Variants in CFDP1 observed in about 807,000 individuals in gnomAD.
CFDP1 encodes the protein heterochromatin-stabilizing protein CFDP1.
A neutral mutation model predicts 40.1 loss-of-function variants in CFDP1; 31 were observed. That is an observed-to-expected ratio of 0.77 (90% CI 0.58 to 1.04). CFDP1 has a LOEUF of 1.04. Ranked by LOEUF, CFDP1 falls within the 50% of genes least tolerant of loss-of-function variation. CFDP1 has a pLI of 0.00. For synonymous variants in CFDP1, 167 were observed against 120.0 expected (o/e 1.39, Z -2.56); for missense variants, 423 against 343.4 (o/e 1.23, Z -1.83).
At chr16:75,327,770 C>A (rs1476770876) in intron 5 of CFDP1, among the ~76,000 whole-genome samples, 1 of 152,160 alleles carries the variant, frequency 6.6e-6, no homozygotes, top group Non-Finnish European at 1.5e-5. Context: ...GTCGCCCAGG[C>A]TGGAGTGCAA....
chr16:75,349,731 GATCTTGT>G lies in CFDP1; in HGVS notation c.651-44556_651-44550del, dbSNP rs554986363. ...TATATACGGTTGATTTTTACATATT[GATCTTGT>G]ATCTTGTAACCTTGCTGAACTTGTT... On this transcript the variant is annotated intron_variant, in intron 5 of 6. Coordinates refer to ENST00000283882, the MANE Select transcript of CFDP1 (RefSeq NM_006324.3). Among the ~76,000 whole-genome samples, 137 of 109,296 alleles carry G rather than the reference GATCTTGT, an allele frequency of 1.3e-3. 1 individual carries two copies. The highest frequency in any genetic ancestry group is 4.7e-3 in the African/African-American group (132 of 28,354). 71.7% of individuals were successfully genotyped at this position (109,296 alleles called of 152,430 possible).
intron 5 of CFDP1, among the ~76,000 whole-genome samples, chr16:75,355,807 G>A (rs1432907399): frequency 6.6e-6 from 1 of 152,116 alleles, no homozygotes; most frequent in Non-Finnish European, 1.5e-5. Flanking sequence ...GGTGCCTTCC[G>A]CCATGACTGT....
intron 5 of CFDP1, among the ~76,000 whole-genome samples, chr16:75,350,619 A>G (rs1481580863): frequency 6.6e-6 from 1 of 152,218 alleles, no homozygotes; most frequent in East Asian, 1.9e-4. Flanking sequence ...CAGAAACCAC[A>G]AAAACATATA....
intron 5 of CFDP1, among the ~76,000 whole-genome samples, chr16:75,348,511 T>A (rs770167898): frequency 6.6e-6 from 1 of 152,192 alleles, no homozygotes; most frequent in African/African-American, 2.4e-5. Context: ...TTGTGGCTCA[T>A]CTTGAATGGG....
intron 5 of CFDP1, among the ~76,000 whole-genome samples, chr16:75,352,230 A>G (rs2078617876): frequency 6.6e-6 from 1 of 151,974 alleles, no homozygotes; most frequent in South Asian, 2.1e-4. Context: ...AGTCCCAGCT[A>G]CTGGGGAAGG....
At chr16:75,376,755 A>G (rs2151544122) in intron 5 of CFDP1, among the ~76,000 whole-genome samples, 1 of 152,300 alleles carries the variant, frequency 6.6e-6, no homozygotes, top group Non-Finnish European at 1.5e-5. Flanking sequence ...ATGGGGCAGA[A>G]GCGGCTTTCT....
chr16:75,319,031 C>A (rs1482919996), intron 5 of CFDP1, among the ~76,000 whole-genome samples: 1 of 152,168 alleles, frequency 6.6e-6, no homozygotes, highest in Non-Finnish European at 1.5e-5. Context: ...ATTACTCCCT[C>A]TCAATACCAA....
At chr16:75,400,779 T>G (rs2079045111) in intron 4 of CFDP1, among the ~76,000 whole-genome samples, 1 of 152,250 alleles carries the variant, frequency 6.6e-6, no homozygotes, top group Non-Finnish European at 1.5e-5. Flanking sequence ...GAAACTCATA[T>G]TGGACTTTAT....
At chr16:75,416,079 T>C (rs1479207920) in intron 1 of CFDP1, among the ~76,000 whole-genome samples, 1 of 152,102 alleles carries the variant, frequency 6.6e-6, no homozygotes, top group Non-Finnish European at 1.5e-5. Flanking sequence ...TTTTGAATTC[T>C]GACCTCAGGT....
rs774242462 is a variant in CFDP1 at position 75,414,626 on chromosome 16, G to A, written c.134C>T (p.Thr45Ile). 6.2e-7 allele frequency: 1 copy of A among 1,613,376 alleles called. No individual in the cohort carries two copies. The highest frequency in any genetic ancestry group is 2.2e-5 in the East Asian group (1 of 44,834). ...KEDEVDGEEQ[T>I]QKTQGKKRKA... ...TCTTTTTTTCCCTTGGGTTTTCTGT[G>A]TCTGCTCTTCACCATCCACTTCATC... Residue 45 changes from threonine to isoleucine, a missense_variant, in exon 2 of 7, where the codon ACA (threonine) becomes ATA (isoleucine). Transcript: ENST00000283882.
At chr16:75,338,387 C>T (rs1047368538) in intron 5 of CFDP1, among the ~76,000 whole-genome samples, 6 of 152,134 alleles carry the variant, frequency 3.9e-5, no homozygotes, top group African/African-American at 1.4e-4. Context: ...CTAGTGTGTA[C>T]ACAGAAGCAG....
intron 4 of CFDP1, among the ~76,000 whole-genome samples, chr16:75,409,142 A>G (rs2079132812): frequency 6.6e-6 from 1 of 152,140 alleles, no homozygotes; most frequent in South Asian, 2.1e-4. Context: ...TACAGGCATG[A>G]GCCACCGTGC....
chr16:75,432,700 G>A (rs896031721), intron 1 of CFDP1, among the ~76,000 whole-genome samples: 1 of 152,216 alleles, frequency 6.6e-6, no homozygotes, highest in African/African-American at 2.4e-5. Flanking sequence ...TTTGTCTGGG[G>A]AAGACCAAGA....
Position 75,397,196 on chromosome 16 carries a change from G to C in CFDP1, c.531-1987C>G, listed in dbSNP as rs188072044. Among the ~76,000 whole-genome samples, 354 of 151,792 alleles carry C rather than the reference G, an allele frequency of 2.3e-3. 2 individuals are homozygous for C. Among genetic ancestry groups the C allele is most frequent in the South Asian group, 0.012 (58 of 4,806 alleles). ...CCCAAAGTGCTGGGATTACAGGCGT[G>C]AGCCACTGCGCCCAGCGTTTTTTTG... On this transcript the variant is annotated intron_variant, in intron 4 of 6. Coordinates refer to ENST00000283882, the MANE Select transcript of CFDP1 (RefSeq NM_006324.3).
chr16:75,306,870 C>T (rs1425438583), intron 5 of CFDP1, among the ~76,000 whole-genome samples: 4 of 147,402 alleles, frequency 2.7e-5, no homozygotes, highest in African/African-American at 5.2e-5. Flanking sequence ...GTCATATGTG[C>T]GCGTGATCAC....
chr16:75,395,011 C>G (rs1056586614), intron 5 of CFDP1, 79 bp downstream of exon 5: 27 of 1,548,566 alleles, frequency 1.7e-5, no homozygotes, highest in Non-Finnish European at 2.4e-5. Flanking sequence ...GGAGTCTGAT[C>G]TGCAGCGAAA....
At chr16:75,304,179 C>T (rs1237725646) in intron 6 of CFDP1, among the ~76,000 whole-genome samples, 1 of 152,126 alleles carries the variant, frequency 6.6e-6, no homozygotes, top group African/African-American at 2.4e-5. Flanking sequence ...AGTGATCCTC[C>T]TGCCCCAGCC....
In CFDP1 at chr16:75,386,806, T is replaced by A. The variant is rs573151311; in HGVS notation, c.650+8284A>T. Among the ~76,000 whole-genome samples, 8 of 152,326 alleles carry A rather than the reference T, an allele frequency of 5.3e-5. No individual in the cohort carries two copies. In the East Asian group the frequency reaches 1.5e-3, roughly 29 times the overall value. On this transcript the variant is annotated intron_variant, in intron 5 of 6. Coordinates refer to ENST00000283882, the MANE Select transcript of CFDP1 (RefSeq NM_006324.3). ...CAAGGACTTTATTTCATGACCCGAA[T>A]TGTCAGATATCCTCTTCCCTCCCAA...
At chr16:75,300,746 G>A (rs1239041710) in intron 6 of CFDP1, among the ~76,000 whole-genome samples, 3 of 152,136 alleles carry the variant, frequency 2.0e-5, no homozygotes, top group Non-Finnish European at 4.4e-5. Context: ...ACTAACAGCT[G>A]AAATGTAAGC....
Sources: allele counts gnomAD v4.1 joint callset (sites outside exome capture counted in the v4.1 genomes callset), GRCh38; gene constraint gnomAD v4.1.1; transcripts MANE v1.5; gene names NCBI Gene and HGNC (gene_info 2026-07-23, HGNC 2026-07-21).